DIAPH2: variants seen among roughly 807,000 people sequenced by gnomAD.
DIAPH2 encodes the protein protein diaphanous homolog 2.
DIAPH2 carries 35 observed loss-of-function variants against 92.7 expected under a neutral mutation model. The observed-to-expected ratio is 0.38, with a 90% CI of 0.29 to 0.50. DIAPH2 has a LOEUF of 0.50. Ranked by LOEUF, DIAPH2 falls within the 20% of genes least tolerant of loss-of-function variation. The pLI is 0.94. For synonymous variants in DIAPH2, 301 were observed against 280.4 expected, an observed-to-expected ratio of 1.07 and a Z score of -0.73; for missense variants, 701 against 819.5, an observed-to-expected ratio of 0.86 and a Z score of 1.77.
intron 1 of DIAPH2, among the ~76,000 whole-genome samples, chrX:96,705,854 G>T (rs1021654939): frequency 2.7e-5 from 3 of 111,585 alleles, no homozygotes; most frequent in Admixed American, 9.6e-5. Flanking sequence ...TATTGAAACA[G>T]AATCCTTTGA....
intron 5 of DIAPH2, among the ~76,000 whole-genome samples, chrX:96,895,911 A>T (rs1360944581): frequency 8.9e-6 from 1 of 112,154 alleles, no homozygotes; most frequent in Admixed American, 9.5e-5. Context: ...GTTACCAAGG[A>T]CTGTTATTCC....
At chrX:97,093,001 A>G (rs1383289968) in intron 19 of DIAPH2, among the ~76,000 whole-genome samples, 1 of 107,982 alleles carries the variant, frequency 9.3e-6, no homozygotes, top group Non-Finnish European at 1.9e-5. Flanking sequence ...CCTGGGCAAC[A>G]TAGTGACACC....
chrX:96,891,956 A>G (rs1221729763), intron 5 of DIAPH2, among the ~76,000 whole-genome samples: 1 of 112,073 alleles, frequency 8.9e-6, no homozygotes, highest in African/African-American at 3.2e-5. Context: ...TGTTTATTTG[A>G]TGCTATCTTC....
chrX:97,022,181 C>T (rs1352211621), intron 17 of DIAPH2, among the ~76,000 whole-genome samples: 1 of 111,937 alleles, frequency 8.9e-6, no homozygotes, highest in Non-Finnish European at 1.9e-5. Context: ...GAACCTTTTT[C>T]CTTCAATGTA....
At position 96,755,717 on chromosome X, in the gene DIAPH2, C is replaced by CAAA. The variant is rs67781827; in HGVS notation, c.343-2428_343-2426dup. 1.2e-3 allele frequency among the ~76,000 whole-genome samples: 125 copies of CAAA among 102,321 alleles called. 1 individual carries two copies. Among genetic ancestry groups the CAAA allele is most frequent in the South Asian group, 6.5e-3 (15 of 2,305 alleles). The allele number at this position is 102,321 out of a possible 115,157, so 88.9% of individuals were successfully genotyped here. A position where few individuals can be genotyped will look rare whatever the true frequency, so the allele number is the denominator to read the frequency against. The stretch of plus-strand genomic sequence containing the variant: ...TCGCCAATTAGTTTATTTACTTTAT[C>CAAA]AAAAAAAAAAATAGAATGCTCAGAA... On this transcript the variant is annotated intron_variant, in intron 3 of 26. Coordinates refer to ENST00000324765, the MANE Select transcript of DIAPH2 (RefSeq NM_006729.5).
chrX:97,428,499 C>T (rs2070093838), intron 25 of DIAPH2, among the ~76,000 whole-genome samples: 1 of 107,519 alleles, frequency 9.3e-6, no homozygotes, highest in Non-Finnish European at 1.9e-5. Context: ...CACGCCATTG[C>T]ACTCCAGCTT....
chrX:97,309,890 C>T (rs1251615802), intron 23 of DIAPH2, among the ~76,000 whole-genome samples: 3 of 112,162 alleles, frequency 2.7e-5, no homozygotes, highest in African/African-American at 9.7e-5. Flanking sequence ...GGTGAAGTCA[C>T]CAACCTGTTT....
intron 23 of DIAPH2, among the ~76,000 whole-genome samples, chrX:97,250,841 A>G (rs1254682487): frequency 8.9e-6 from 1 of 112,141 alleles, no homozygotes; most frequent in Non-Finnish European, 1.9e-5. Context: ...TCACAAATGT[A>G]TCATTGAATC....
intron 17 of DIAPH2, among the ~76,000 whole-genome samples, chrX:97,037,523 A>G (rs1292973065): frequency 9.0e-6 from 1 of 111,728 alleles, no homozygotes; most frequent in Admixed American, 9.5e-5. Flanking sequence ...AGAGATTTTA[A>G]AAAGGTCTCT....
intron 4 of DIAPH2, among the ~76,000 whole-genome samples, chrX:96,838,607 T>C (rs1349350415): frequency 8.9e-6 from 1 of 112,188 alleles, no homozygotes; most frequent in Non-Finnish European, 1.9e-5. Context: ...GTTTCTATAA[T>C]GCAGCCTCTA....
At position 96,897,698 on chromosome X, in the gene DIAPH2, A is replaced by C. The variant is rs774403007; in HGVS notation, c.588-14630A>C. Among the ~76,000 whole-genome samples the C allele has an allele frequency of 2.7e-5, 3 of 110,765 alleles. No homozygotes were observed. In the Admixed American group the frequency reaches 2.9e-4, roughly 11 times the overall value. On this transcript the variant is annotated intron_variant, in intron 5 of 26. Coordinates refer to ENST00000324765, the MANE Select transcript of DIAPH2 (RefSeq NM_006729.5). ...GTAGGCAAATGTTAAACAATTAAAA[A>C]AAATTTTTTTTCAATTTTTTTAAAT...
Position 97,599,416 on chromosome X carries a change from T to C in DIAPH2, c.*99T>C, listed in dbSNP as rs1221214872. Reference sequence around the variant, plus strand: ...ACTCAGCGGCTGGAAAGGAAATAAGTGCATTTCTGCAAAGATCAAGATAAG... The same window carrying C: ...ACTCAGCGGCTGGAAAGGAAATAAGCGCATTTCTGCAAAGATCAAGATAAG... On this transcript the variant is annotated 3_prime_UTR_variant, in exon 27 of 27. Coordinates refer to ENST00000324765, the MANE Select transcript of DIAPH2 (RefSeq NM_006729.5). The C allele has an allele frequency of 1.9e-6, 1 of 525,308 alleles. No individual in the cohort carries two copies. Among genetic ancestry groups the C allele is most frequent in the Non-Finnish European group, 3.1e-6 (1 of 323,938 alleles). 43.3% of individuals were successfully genotyped at this position (525,308 alleles called of 1,213,427 possible).
At chrX:97,074,430 A>C (rs1487530628) in intron 18 of DIAPH2, among the ~76,000 whole-genome samples, 1 of 112,406 alleles carries the variant, frequency 8.9e-6, no homozygotes, top group East Asian at 2.8e-4. Flanking sequence ...AGAAAAAAGA[A>C]ATGTTCAAGT....
chrX:96,699,314 G>T (rs749809788), intron 1 of DIAPH2, among the ~76,000 whole-genome samples: 50 of 111,702 alleles, frequency 4.5e-4, no homozygotes, highest in African/African-American at 1.5e-3. Flanking sequence ...TTCGTGTTAC[G>T]GATAAATATG....
intron 4 of DIAPH2, among the ~76,000 whole-genome samples, chrX:96,761,470 T>C (rs925167053): frequency 9.1e-6 from 1 of 110,378 alleles, no homozygotes; most frequent in Non-Finnish European, 1.9e-5. Context: ...TGTGTATGTG[T>C]ATACATGTAT....
chrX:97,090,604 A>T (rs918903282), intron 19 of DIAPH2, among the ~76,000 whole-genome samples: 2 of 110,874 alleles, frequency 1.8e-5, no homozygotes, highest in African/African-American at 6.6e-5. Context: ...CAGTATCTAG[A>T]TGATGGTGAC....
chrX:97,491,171 C>T (rs956600404), intron 26 of DIAPH2, among the ~76,000 whole-genome samples: 20 of 110,902 alleles, frequency 1.8e-4, no homozygotes, highest in Non-Finnish European at 2.8e-4. Context: ...CCTTTTTCGC[C>T]TCTATGTCGG....
intron 5 of DIAPH2, among the ~76,000 whole-genome samples, chrX:96,888,626 C>T (rs868787315): frequency 2.1e-5 from 2 of 94,619 alleles, no homozygotes; most frequent in African/African-American, 8.1e-5. Flanking sequence ...TATATATATA[C>T]ACAGATATAT....
At chrX:97,099,656 C>A (rs767710210) in intron 19 of DIAPH2, 38 bp from the exon 20 acceptor site, 1 of 964,260 alleles carries the variant, frequency 1.0e-6, no homozygotes. Flanking sequence ...AATTCTAATA[C>A]TAAAACACTA....
Sources: gnomAD v4.1 joint callset for allele counts (sites outside exome capture counted in the v4.1 genomes callset) on GRCh38, gnomAD v4.1.1 for gene constraint, MANE v1.5 for transcripts, NCBI Gene and HGNC (gene_info 2026-07-23, HGNC 2026-07-21) for gene names.